Variants in MIS18A observed in about 807,000 individuals in gnomAD.
The protein encoded by MIS18A is protein Mis18-alpha.
MIS18A carries 14 observed loss-of-function variants against 25.0 expected under a neutral mutation model. That is an observed-to-expected ratio of 0.56 (90% CI 0.37 to 0.88). The LOEUF is 0.88. Ranked by LOEUF, MIS18A falls within the 40% of genes least tolerant of loss-of-function variation. The pLI is 0.00. For synonymous variants in MIS18A, 134 were observed against 118.6 expected (o/e 1.13, Z -0.84); for missense variants, 292 against 290.8 (o/e 1.00, Z -0.03).
chr21:32,275,159 G>A (rs539605979), intron 1 of MIS18A, among the ~76,000 whole-genome samples: 3 of 152,194 alleles, frequency 2.0e-5, no homozygotes, highest in Admixed American at 6.5e-5. Context: ...GAATGGCTTG[G>A]GGCCAGGAGT....
At chr21:32,173,507 A>G in the MIS18A span, among the ~76,000 whole-genome samples, 1 of 152,246 alleles carries the variant, frequency 6.6e-6, no homozygotes, top group Admixed American at 6.5e-5. Context: ...TGTTCCTAGC[A>G]ACATTTTTTA....
At chr21:32,182,527 A>G in the MIS18A span, among the ~76,000 whole-genome samples, 1 of 152,186 alleles carries the variant, frequency 6.6e-6, no homozygotes, top group Non-Finnish European at 1.5e-5. Flanking sequence ...CCATTTCATC[A>G]TTCCCGGCTG....
downstream of MIS18A, chr21:32,268,085 G>A (rs969918558): frequency 1.3e-5 from 2 of 152,286 alleles, no homozygotes; most frequent in Non-Finnish European, 2.9e-5. Context: ...AAACAAAGGG[G>A]TCTGGGGAAA....
At chr21:32,222,053 C>T in the MIS18A span, among the ~76,000 whole-genome samples, 1,541 of 151,534 alleles carry the variant, frequency 0.01, 21 homozygotes, top group African/African-American at 0.036. Flanking sequence ...ACACATCTCA[C>T]GTGCAAAGAC....
At position 32,270,627 on chromosome 21, in the gene MIS18A, T is replaced by C. The variant is rs922069640; in HGVS notation, c.402-98A>G. 25 of 1,329,682 alleles carry C rather than the reference T, an allele frequency of 1.9e-5. No homozygotes were observed. The South Asian group carries it at 4.3e-4, about 23-fold the overall frequency. 82.4% of individuals were successfully genotyped at this position (1,329,682 alleles called of 1,614,324 possible). A position where few individuals can be genotyped will look rare whatever the true frequency, so the allele number is the denominator to read the frequency against. On this transcript the variant is annotated intron_variant, in intron 2 of 4. Transcript: ENST00000290130. ...TCCATAAACACCTCAGTTTCTCAAG[T>C]ATGCTATTCTGACCACACTAGGTCA...
chr21:32,202,849 A>T, the MIS18A span, among the ~76,000 whole-genome samples: 1 of 152,218 alleles, frequency 6.6e-6, no homozygotes, highest in Non-Finnish European at 1.5e-5. Flanking sequence ...TCATATGTAT[A>T]TACCACAGTT....
the MIS18A span, among the ~76,000 whole-genome samples, chr21:32,197,401 A>G: frequency 6.6e-6 from 1 of 152,328 alleles, no homozygotes; most frequent in East Asian, 1.9e-4. Context: ...TTCTTGCATG[A>G]TACATGGATT....
chr21:32,265,764 G>C (rs530100046), downstream of MIS18A, among the ~76,000 whole-genome samples: 1 of 152,248 alleles, frequency 6.6e-6, no homozygotes. Flanking sequence ...GCCCCGGTGC[G>C]GGATCCACTA....
chr21:32,247,412 C>A, the MIS18A span, among the ~76,000 whole-genome samples: 18 of 152,162 alleles, frequency 1.2e-4, no homozygotes, highest in Non-Finnish European at 2.5e-4. Context: ...TTGAAGAGAG[C>A]CTGCCATGTT....
the MIS18A span, among the ~76,000 whole-genome samples, chr21:32,157,433 G>C: frequency 1.2e-3 from 182 of 151,764 alleles, 1 homozygote; most frequent in Non-Finnish European, 2.1e-3. Context: ...TCTGGGTCCT[G>C]CAAGCTCTTA....
chr21:32,185,503 A>G, the MIS18A span, among the ~76,000 whole-genome samples: 2 of 152,138 alleles, frequency 1.3e-5, no homozygotes, highest in Non-Finnish European at 2.9e-5. Context: ...TCAATGTGGC[A>G]TGCATCCTCC....
chr21:32,167,874 A>G, the MIS18A span, among the ~76,000 whole-genome samples: 4 of 152,198 alleles, frequency 2.6e-5, no homozygotes, highest in Non-Finnish European at 4.4e-5. Flanking sequence ...CCAAGGAGAA[A>G]ACATAAGACT....
the MIS18A span, among the ~76,000 whole-genome samples, chr21:32,164,898 C>T: frequency 2.0e-5 from 3 of 152,146 alleles, no homozygotes; most frequent in Admixed American, 6.5e-5. Flanking sequence ...GGAAAGAAAA[C>T]ATTCTAGAAT....
At chr21:32,162,903 T>C in the MIS18A span, among the ~76,000 whole-genome samples, 1 of 152,212 alleles carries the variant, frequency 6.6e-6, no homozygotes, top group Non-Finnish European at 1.5e-5. Flanking sequence ...ATGCATCTTG[T>C]TGGATCCATG....
chr21:32,170,582 A>T, the MIS18A span, among the ~76,000 whole-genome samples: 4 of 151,946 alleles, frequency 2.6e-5, no homozygotes, highest in Non-Finnish European at 5.9e-5. Context: ...TTGGAAGGAC[A>T]TAAGGAATAG....
At chr21:32,276,492 A>C (rs921912241) in intron 1 of MIS18A, among the ~76,000 whole-genome samples, 16 of 150,246 alleles carry the variant, frequency 1.1e-4, no homozygotes, top group African/African-American at 3.7e-4. Flanking sequence ...AAAAAGGAAA[A>C]TATTTTCTAG....
chr21:32,192,949 C>T, the MIS18A span, among the ~76,000 whole-genome samples: 2 of 152,110 alleles, frequency 1.3e-5, no homozygotes, highest in African/African-American at 2.4e-5. Flanking sequence ...CTCTTGTTTG[C>T]CTGATTAAAT....
At chr21:32,227,064 T>C in the MIS18A span, among the ~76,000 whole-genome samples, 1 of 151,984 alleles carries the variant, frequency 6.6e-6, no homozygotes, top group Non-Finnish European at 1.5e-5. Flanking sequence ...GGGATGCAAA[T>C]AAAGCAGTGC....
the MIS18A span, among the ~76,000 whole-genome samples, chr21:32,238,838 G>C: frequency 6.6e-5 from 10 of 152,128 alleles, no homozygotes; most frequent in Non-Finnish European, 1.2e-4. Flanking sequence ...GGGGAACCAT[G>C]AATAGAGGAA....
Sources: allele counts gnomAD v4.1 joint callset (sites outside exome capture counted in the v4.1 genomes callset), GRCh38; gene constraint gnomAD v4.1.1; transcripts MANE v1.5; gene names NCBI Gene and HGNC (gene_info 2026-07-23, HGNC 2026-07-21).